ST3GAL3: variants seen among roughly 807,000 people sequenced by gnomAD.
ST3GAL3 encodes ST3 beta-galactoside alpha-2,3-sialyltransferase 3.
In ST3GAL3, 21 loss-of-function variants were observed where a neutral mutation model predicts 50.1. The observed-to-expected ratio is 0.42, with a 90% confidence interval of 0.30 to 0.60. ST3GAL3 has a LOEUF of 0.60. Among genes scored for constraint, ST3GAL3 ranks in the 20% least tolerant of loss-of-function variants. The probability of loss-of-function intolerance (pLI) is 0.19; values close to 1 mark genes in which losing one functional copy is unlikely to be tolerated. For missense variants in ST3GAL3, 353 were observed against 489.4 expected (o/e 0.72, Z 2.63); for synonymous variants, 183 against 190.0 (o/e 0.96, Z 0.30).
chr1:43,775,380 C>T (rs1558245116), intron 2 of ST3GAL3, among the ~76,000 whole-genome samples: 2 of 151,806 alleles, frequency 1.3e-5, no homozygotes, highest in South Asian at 4.2e-4. Flanking sequence ...ATTACAGGCG[C>T]CCACCACAAT....
At chr1:43,923,153 C>T (rs939719431) in intron 11 of ST3GAL3, among the ~76,000 whole-genome samples, 2 of 151,592 alleles carry the variant, frequency 1.3e-5, no homozygotes, top group African/African-American at 4.9e-5. Context: ...GTAGTCCCTG[C>T]TGCTTGGGAG....
At chr1:43,784,470 C>G (rs533630054) in intron 2 of ST3GAL3, among the ~76,000 whole-genome samples, 2 of 152,326 alleles carry the variant, frequency 1.3e-5, no homozygotes, top group South Asian at 4.1e-4. Context: ...GATCGCACCA[C>G]TGTACTCCAG....
intron 5 of ST3GAL3, chr1:43,858,272 C>T (rs1558610155): frequency 7.8e-7 from 1 of 1,287,944 alleles, no homozygotes; most frequent in Non-Finnish European, 1.0e-6. Flanking sequence ...GGGGAGACGT[C>T]CTGGTGAAGT....
chr1:43,886,213 T>C (rs1237926157), intron 5 of ST3GAL3, among the ~76,000 whole-genome samples: 1 of 152,152 alleles, frequency 6.6e-6, no homozygotes, highest in East Asian at 1.9e-4. Context: ...AAACCCTGTC[T>C]CTACTAAAAA....
chr1:43,930,148 T>G lies in ST3GAL3; in HGVS notation c.1055T>G (p.Ile352Ser). The G allele has an allele frequency of 6.2e-7, 1 of 1,614,110 alleles. No individual in the cohort carries two copies. The change falls in exon 12 of 12, where the codon ATC becomes AGC. Residue 352 changes from isoleucine (I) to serine (S), a missense_variant. Coordinates refer to ENST00000347631, the MANE Select transcript of ST3GAL3 (RefSeq NM_006279.5). ...TCCTTTCAGTCCTGGACGCACAATA[T>G]CCAGCGAGAGAAAGAGTTTCTGCGG... ...AAIKESWTHN[I>S]QREKEFLRKL...
intron 3 of ST3GAL3, among the ~76,000 whole-genome samples, chr1:43,805,759 G>T (rs946314956): frequency 1.3e-5 from 2 of 151,942 alleles, no homozygotes; most frequent in African/African-American, 4.8e-5. Flanking sequence ...CTTTTTTGAC[G>T]GAGTCTCACA....
At chr1:43,875,950 CTTATTATTATTATTATTATTA>C (rs200892055) in intron 5 of ST3GAL3, among the ~76,000 whole-genome samples, 2 of 74,016 alleles carry the variant, frequency 2.7e-5, no homozygotes, top group East Asian at 4.7e-4. Context: ...TCTTCTTCTT[CTTATTATTATTATTATTATTA>C]TTATTATTAT....
chr1:43,772,468 T>C (rs190700100), intron 2 of ST3GAL3: 1 of 155,216 alleles, frequency 6.4e-6, no homozygotes, highest in Admixed American at 6.5e-5. Context: ...GCTTACGTCT[T>C]ATTCTCTCCA....
intron 2 of ST3GAL3, among the ~76,000 whole-genome samples, chr1:43,769,633 C>T (rs1694333916): frequency 1.3e-5 from 2 of 152,086 alleles, no homozygotes; most frequent in South Asian, 4.1e-4. Flanking sequence ...GTTCCTACCC[C>T]GTGAAGGTGC....
At chr1:43,827,655 A>G (rs988738611) in intron 4 of ST3GAL3, among the ~76,000 whole-genome samples, 1 of 152,018 alleles carries the variant, frequency 6.6e-6, no homozygotes. Flanking sequence ...GGCGTGCGCT[A>G]CCACACACAG....
chr1:43,751,415 G>T (rs1686014782), intron 2 of ST3GAL3, among the ~76,000 whole-genome samples: 1 of 152,090 alleles, frequency 6.6e-6, no homozygotes, highest in African/African-American at 2.4e-5. Context: ...ACAGATATAT[G>T]TACAGGTGTG....
chr1:43,829,114 C>A (rs1424655009), intron 4 of ST3GAL3, among the ~76,000 whole-genome samples: 2 of 151,562 alleles, frequency 1.3e-5, no homozygotes, highest in South Asian at 4.1e-4. Flanking sequence ...AAAAACACTA[C>A]TAAGGGCTTT....
chr1:43,775,631 G>T (rs988445444), intron 2 of ST3GAL3, among the ~76,000 whole-genome samples: 1 of 152,134 alleles, frequency 6.6e-6, no homozygotes, highest in Non-Finnish European at 1.5e-5. Context: ...ACATCTGTGA[G>T]CCTCCAGTTT....
chr1:43,809,992 C>CAA (rs111982954), intron 3 of ST3GAL3, among the ~76,000 whole-genome samples: 3,704 of 78,334 alleles, frequency 0.047, 240 homozygotes, highest in African/African-American at 0.18. Context: ...GACCCTGTCT[C>CAA]AAAAAAAAAA....
intron 2 of ST3GAL3, among the ~76,000 whole-genome samples, chr1:43,762,150 A>G (rs1156895476): frequency 1.3e-5 from 2 of 151,224 alleles, no homozygotes; most frequent in African/African-American, 4.9e-5. Flanking sequence ...ACGTGCCTAT[A>G]GTCCCAGCCA....
intron 5 of ST3GAL3, among the ~76,000 whole-genome samples, chr1:43,877,718 C>T (rs1477371514): frequency 6.6e-6 from 1 of 152,174 alleles, no homozygotes; most frequent in African/African-American, 2.4e-5. Flanking sequence ...TAAACAGTCG[C>T]ATTTTCCAGC....
chr1:43,840,016 A>C (rs987621625), intron 5 of ST3GAL3: 1 of 147,470 alleles, frequency 6.8e-6, no homozygotes, highest in African/African-American at 2.5e-5. Context: ...TGGAGATTAC[A>C]TTTTTTTCCC....
intron 3 of ST3GAL3, among the ~76,000 whole-genome samples, chr1:43,794,083 C>CT (rs1341451450): frequency 1.9e-5 from 1 of 54,046 alleles, no homozygotes; most frequent in Middle Eastern, 6.7e-3. Context: ...GACCCTGTCT[C>CT]TGGAAAAAAA....
At chr1:43,832,981 G>A (rs1420650478) in intron 4 of ST3GAL3, among the ~76,000 whole-genome samples, 1 of 152,188 alleles carries the variant, frequency 6.6e-6, no homozygotes, top group Non-Finnish European at 1.5e-5. Flanking sequence ...TGGGTTGTTA[G>A]GCAGTGTGCT....
Sources: allele counts gnomAD v4.1 joint callset (sites outside exome capture counted in the v4.1 genomes callset), GRCh38; gene constraint gnomAD v4.1.1; transcripts MANE v1.5; gene names NCBI Gene and HGNC (gene_info 2026-07-23, HGNC 2026-07-21).